The following SLC9A2 variants were observed in gnomAD, a reference collection of about 807,000 sequenced individuals.
SLC9A2 encodes the protein solute carrier family 9 member A2.
A neutral mutation model predicts 71.7 loss-of-function variants in SLC9A2; 42 were observed. That is an observed-to-expected ratio of 0.59 (90% CI 0.46 to 0.76). SLC9A2 has a LOEUF of 0.76. Among genes scored for constraint, SLC9A2 ranks in the 30% least tolerant of loss-of-function variants. SLC9A2 has a pLI of 0.00. For synonymous variants in SLC9A2, 396 were observed against 392.5 expected (o/e 1.01, Z -0.10); for missense variants, 829 against 1,017.4 (o/e 0.81, Z 2.52).
chr2:102,708,568 G>C lies in SLC9A2; in HGVS notation c.*79G>C, dbSNP rs574808628. 1.9e-5 allele frequency: 29 copies of C among 1,492,856 alleles called. 1 individual carries two copies. In the South Asian group the frequency reaches 3.3e-4, roughly 17 times the overall value. The allele number at this position is 1,492,856 out of a possible 1,614,324, so 92.5% of individuals were successfully genotyped here. A position where few individuals can be genotyped will look rare whatever the true frequency, so the allele number is the denominator to read the frequency against. On this transcript the variant is annotated 3_prime_UTR_variant, in exon 12 of 12. Coordinates refer to ENST00000233969, the MANE Select transcript of SLC9A2 (RefSeq NM_003048.6). ...CACTCTGAAACCTGATGCAACAGTG[G>C]AATCCATGTAAAACTCTCTGTGCAT...
intron 7 of SLC9A2, among the ~76,000 whole-genome samples, chr2:102,695,788 A>ATAT (rs1677748148): frequency 2.3e-5 from 1 of 43,314 alleles, no homozygotes; most frequent in Non-Finnish European, 5.1e-5. Flanking sequence ...TTATATATAT[A>ATAT]TTATATATAT....
chr2:102,666,400 T>C (rs1275834844), intron 3 of SLC9A2, among the ~76,000 whole-genome samples: 1 of 152,074 alleles, frequency 6.6e-6, no homozygotes, highest in African/African-American at 2.4e-5. Flanking sequence ...GGTTTCACCG[T>C]GTGAGCCAGT....
At position 102,646,637 on chromosome 2, in the gene SLC9A2, C is replaced by A. The variant is rs558256019; in HGVS notation, c.290-10927C>A. On this transcript the variant is annotated intron_variant, in intron 1 of 11. Transcript: ENST00000233969. ...ACAAAGCAAATGGAAAACAAACAAA[C>A]AAAAAAAGCAGGGGTTGCAATCCTA... Among the ~76,000 whole-genome samples, 150 of 151,358 alleles carry A rather than the reference C, an allele frequency of 9.9e-4. 3 individuals carry two copies. The South Asian group carries it at 0.031, about 31-fold the overall frequency.
chr2:102,628,188 A>G (rs1261790851), intron 1 of SLC9A2, among the ~76,000 whole-genome samples: 3 of 152,206 alleles, frequency 2.0e-5, no homozygotes, highest in African/African-American at 7.2e-5. Flanking sequence ...AATAATAATA[A>G]CAATAAAGAG....
intron 1 of SLC9A2, among the ~76,000 whole-genome samples, chr2:102,625,412 C>T (rs765258563): frequency 1.3e-5 from 2 of 151,962 alleles, no homozygotes; most frequent in Non-Finnish European, 2.9e-5. Flanking sequence ...TGTTGGTGTG[C>T]TGCACCCATT....
chr2:102,684,176 T>G lies in SLC9A2; in HGVS notation c.1265T>G (p.Ile422Ser). The G allele has an allele frequency of 1.9e-6, 3 of 1,614,182 alleles. No homozygotes were observed. The highest frequency in any genetic ancestry group is 2.5e-6 in the Non-Finnish European group (3 of 1,179,992). The change falls in exon 5 of 12, where the codon ATT becomes AGT. Residue 422 changes from isoleucine to serine, a missense_variant. Ile to Ser is a moderately radical substitution (Grantham distance 142, BLOSUM62 -2). Coordinates refer to ENST00000233969, the MANE Select transcript of SLC9A2 (RefSeq NM_003048.6). ...CAGGTCATTAATAGGTTCCGGACCA[T>G]TCCCCTGACCTTTAAGGACCAGTTC... ...LTQVINRFRT[I>S]PLTFKDQFII...
chr2:102,703,315 T>A (rs1677910694), intron 9 of SLC9A2, among the ~76,000 whole-genome samples: 1 of 152,224 alleles, frequency 6.6e-6, no homozygotes, highest in African/African-American at 2.4e-5. Flanking sequence ...TTCCACTTTA[T>A]CCAACCATAT....
chr2:102,651,478 T>C (rs1257670154), intron 1 of SLC9A2, among the ~76,000 whole-genome samples: 1 of 152,236 alleles, frequency 6.6e-6, no homozygotes, highest in Non-Finnish European at 1.5e-5. Flanking sequence ...TTTTCTTCCC[T>C]GCTCTGGAAA....
In SLC9A2 at chr2:102,619,883, C is replaced by T. The variant is rs1462140613; in HGVS notation, c.35C>T (p.Ala12Val). ...CTGGGCAACTGGAGGAGCCTGCGGG[C>T]GCCACTGCCTCCGATGCTGTTGCTG... ...EPLGNWRSLR[A>V]PLPPMLLLLL... The change falls in exon 1 of 12, where the codon GCG becomes GTG. Residue 12 changes from alanine to valine, a missense_variant. Around this residue, in one of 3 missense-constraint regions of SLC9A2, gnomAD observed 106 missense variants for 93.5 expected, o/e 1.13. Transcript: ENST00000233969. This position sits in a 1 kb window ranked among gnomAD's most constrained non-coding sequence, Gnocchi z 4.3. 1 of 1,562,150 alleles carries T rather than the reference C, an allele frequency of 6.4e-7. No homozygotes were observed. The highest frequency in any genetic ancestry group is 8.7e-7 in the Non-Finnish European group (1 of 1,152,144).
intron 3 of SLC9A2, among the ~76,000 whole-genome samples, chr2:102,679,387 T>TG (rs199742526): frequency 0.069 from 8,565 of 123,996 alleles, 457 homozygotes; most frequent in African/African-American, 0.18. Context: ...TATATATAAT[T>TG]TTTTTTTTTT....
At chr2:102,673,124 C>T (rs1246394233) in intron 3 of SLC9A2, among the ~76,000 whole-genome samples, 2 of 152,072 alleles carry the variant, frequency 1.3e-5, no homozygotes, top group East Asian at 1.9e-4. Flanking sequence ...TCAGTCTTCC[C>T]TCAACTTGTC....
chr2:102,671,152 A>G (rs1196259758), intron 3 of SLC9A2, among the ~76,000 whole-genome samples: 1 of 152,230 alleles, frequency 6.6e-6, no homozygotes, highest in Non-Finnish European at 1.5e-5. Flanking sequence ...AAGAGAGTTT[A>G]CAGAGAAGGA....
intron 1 of SLC9A2, among the ~76,000 whole-genome samples, chr2:102,643,916 T>A (rs1676661880): frequency 6.6e-6 from 1 of 152,058 alleles, no homozygotes; most frequent in Non-Finnish European, 1.5e-5. Context: ...CTTACTTTTT[T>A]TTTTTTGCAC....
chr2:102,666,785 T>C (rs1352378412), intron 3 of SLC9A2, among the ~76,000 whole-genome samples: 1 of 152,192 alleles, frequency 6.6e-6, no homozygotes, highest in East Asian at 1.9e-4. Context: ...CAGTGAGAAA[T>C]ACTTAGTAAT....
intron 8 of SLC9A2, among the ~76,000 whole-genome samples, chr2:102,701,571 A>C (rs895128525): frequency 6.6e-6 from 1 of 152,218 alleles, no homozygotes; most frequent in Middle Eastern, 3.2e-3. Context: ...CAAGAACACT[A>C]TAAATTCATG....
chr2:102,652,955 C>T (rs535079777), intron 1 of SLC9A2, among the ~76,000 whole-genome samples: 33 of 152,282 alleles, frequency 2.2e-4, no homozygotes, highest in African/African-American at 6.7e-4. Flanking sequence ...AATGCATGCA[C>T]ATTTGTAATG....
Position 102,702,496 on chromosome 2 carries a change from T to C in SLC9A2, c.1839T>C (p.Arg613=). Residue 613 remains arginine (R), a synonymous_variant, in exon 9 of 12, where the codon CGT becomes CGC. Coordinates refer to ENST00000233969, the MANE Select transcript of SLC9A2 (RefSeq NM_003048.6). ...TATCAAGAAATCTCTATCAAATCCGTCAGCGAGTAAGAATAATTTATGTAG... is the reference window on the plus strand; with the variant it reads ...TATCAAGAAATCTCTATCAAATCCGCCAGCGAGTAAGAATAATTTATGTAG... ...ELLSRNLYQI[R]QRTLSYNRHS... The C allele has an allele frequency of 1.3e-6, 2 of 1,568,348 alleles. No homozygotes were observed. The highest frequency in any genetic ancestry group is 1.1e-5 in the South Asian group (1 of 87,320).
At chr2:102,632,038 A>ATG (rs3079236) in intron 1 of SLC9A2, among the ~76,000 whole-genome samples, 1 of 114,360 alleles carries the variant, frequency 8.7e-6, no homozygotes, top group Non-Finnish European at 1.8e-5. Flanking sequence ...ATATATATAT[A>ATG]CATACACACA....
At chr2:102,657,416 T>C in intron 1 of SLC9A2, 148 bp from the exon 2 acceptor site, 1 of 611,544 alleles carries the variant, frequency 1.6e-6, no homozygotes, top group Non-Finnish European at 2.9e-6. Flanking sequence ...TGGTTTGCAC[T>C]GTAATCTGGG....
Sources: gnomAD v4.1 joint callset for allele counts (sites outside exome capture counted in the v4.1 genomes callset) on GRCh38, gnomAD v4.1.1 for gene constraint, gnomAD v4.1.1 regional missense constraint, Gnocchi (gnomAD v3.1) non-coding constraint, MANE v1.5 for transcripts, NCBI Gene and HGNC (gene_info 2026-07-23, HGNC 2026-07-21) for gene names.